The following PRR16 variants were observed in gnomAD, a reference collection of about 807,000 sequenced individuals.
PRR16 encodes proline rich 16, also known as protein Largen.
Under a neutral mutation model 18.2 loss-of-function variants are expected in PRR16, and 6 were observed. That is an observed-to-expected ratio of 0.33 (90% confidence interval 0.18 to 0.65). The LOEUF (loss-of-function observed/expected upper bound fraction) is 0.65, where lower values mean the gene tolerates loss of function less well. Among genes scored for constraint, PRR16 ranks in the 30% least tolerant of loss-of-function variants. The pLI is 0.74. For missense variants in PRR16, 412 were observed against 376.6 expected (o/e 1.09, Z -0.78); for synonymous variants, 151 against 147.8 (o/e 1.02, Z -0.16).
chr5:120,671,179 A>G (rs12654817), intron 1 of PRR16, among the ~76,000 whole-genome samples: 148,984 of 152,286 alleles, frequency 0.98, 72,934 homozygotes, highest in East Asian at 1. Flanking sequence ...TAGAACTCTC[A>G]TTTAATTTTT....
the PRR16 span, among the ~76,000 whole-genome samples, chr5:120,718,112 TATC>T: frequency 4.6e-5 from 7 of 152,156 alleles, no homozygotes; most frequent in Non-Finnish European, 4.4e-5. Flanking sequence ...GTTTCAAAAA[TATC>T]ATAATGTGCC....
chr5:120,530,200 A>G (rs1376434972), intron 1 of PRR16, among the ~76,000 whole-genome samples: 1 of 145,478 alleles, frequency 6.9e-6, no homozygotes, highest in African/African-American at 2.5e-5. Context: ...TAGAATATAT[A>G]TATAATATTA....
chr5:120,608,998 T>G (rs1580782830), intron 1 of PRR16, among the ~76,000 whole-genome samples: 2 of 152,290 alleles, frequency 1.3e-5, no homozygotes. Context: ...CTTGAAACTC[T>G]TCGTATTCAA....
the PRR16 span, among the ~76,000 whole-genome samples, chr5:120,754,456 T>TATATATATA: frequency 3.5e-5 from 1 of 28,354 alleles, no homozygotes; most frequent in Non-Finnish European, 6.2e-5. Context: ...TATTATATAA[T>TATATATATA]ATATAGTATA....
the PRR16 span, among the ~76,000 whole-genome samples, chr5:120,788,699 A>T: frequency 1.3e-5 from 2 of 152,128 alleles, no homozygotes; most frequent in Non-Finnish European, 2.9e-5. Context: ...CTTCTTAAGC[A>T]ACTCCATGAT....
At chr5:120,583,072 TG>T (rs746708710) in intron 1 of PRR16, among the ~76,000 whole-genome samples, 15 of 152,238 alleles carry the variant, frequency 9.9e-5, no homozygotes, top group Non-Finnish European at 2.1e-4. Context: ...TCATATTGCC[TG>T]GGCTACCTTA....
downstream of PRR16, among the ~76,000 whole-genome samples, chr5:120,689,161 A>C (rs1051774381): frequency 2.0e-5 from 3 of 152,162 alleles, no homozygotes; most frequent in Admixed American, 2.0e-4. Flanking sequence ...CAGCACTCTT[A>C]GGACTTATTT....
chr5:120,565,206 G>T (rs920993563), intron 1 of PRR16, among the ~76,000 whole-genome samples: 1 of 152,070 alleles, frequency 6.6e-6, no homozygotes, highest in Non-Finnish European at 1.5e-5. Flanking sequence ...TTTTGGGGAG[G>T]AGTAGTCTGA....
chr5:120,519,856 A>G (rs1251066378), intron 1 of PRR16, among the ~76,000 whole-genome samples: 3 of 152,088 alleles, frequency 2.0e-5, no homozygotes, highest in African/African-American at 7.2e-5. Context: ...GAAAAAGAAT[A>G]ATTTTTATGG....
intron 1 of PRR16, among the ~76,000 whole-genome samples, chr5:120,637,152 C>T (rs73256084): frequency 1.5e-3 from 221 of 151,612 alleles, no homozygotes; most frequent in African/African-American, 5.0e-3. Context: ...GGCATGGATG[C>T]GATGAAAAGG....
chr5:120,764,707 G>A, the PRR16 span, among the ~76,000 whole-genome samples: 1 of 152,018 alleles, frequency 6.6e-6, no homozygotes, highest in Admixed American at 6.6e-5. Context: ...TGTATATAAT[G>A]CATTTAGAAG....
At chr5:120,551,622 A>G (rs1019439585) in intron 1 of PRR16, among the ~76,000 whole-genome samples, 10 of 152,156 alleles carry the variant, frequency 6.6e-5, no homozygotes, top group Non-Finnish European at 1.2e-4. Flanking sequence ...GTTAAATGCA[A>G]TGTTTTCTAC....
intron 1 of PRR16, among the ~76,000 whole-genome samples, chr5:120,581,719 T>C (rs113071854): frequency 1.2e-3 from 179 of 152,288 alleles, no homozygotes; most frequent in African/African-American, 3.9e-3. Flanking sequence ...GTATGTTGTC[T>C]CTTTGTTCTC....
intron 1 of PRR16, among the ~76,000 whole-genome samples, chr5:120,512,305 C>T (rs1221157038): frequency 6.6e-6 from 1 of 152,080 alleles, no homozygotes; most frequent in Admixed American, 6.5e-5. Context: ...TGTGAGGGCT[C>T]CAGGCGACCA....
At chr5:120,767,802 T>TCTCACTATATCTCATC in the PRR16 span, among the ~76,000 whole-genome samples, 2 of 151,752 alleles carry the variant, frequency 1.3e-5, no homozygotes, top group Non-Finnish European at 3.0e-5. Context: ...GAAACAAGGT[T>TCTCACTATATCTCATC]CTCACTATAT....
intron 1 of PRR16, among the ~76,000 whole-genome samples, chr5:120,547,559 ATT>A (rs569445284): frequency 1.4e-5 from 2 of 145,408 alleles, no homozygotes; most frequent in Non-Finnish European, 1.5e-5. Flanking sequence ...ATGCATTTTC[ATT>A]TTTTTTTTTT....
intron 1 of PRR16, among the ~76,000 whole-genome samples, chr5:120,653,192 A>C (rs1755850010): frequency 6.6e-6 from 1 of 152,000 alleles, no homozygotes; most frequent in Non-Finnish European, 1.5e-5. Flanking sequence ...TGTGGTATTC[A>C]GATTCTTGGT....
At chr5:120,669,618 C>A (rs1419597579) in intron 1 of PRR16, among the ~76,000 whole-genome samples, 1 of 151,986 alleles carries the variant, frequency 6.6e-6, no homozygotes, top group Non-Finnish European at 1.5e-5. Flanking sequence ...AATTTCAAAA[C>A]ATTTTATTCA....
intron 1 of PRR16, among the ~76,000 whole-genome samples, chr5:120,490,296 A>G (rs185812187): frequency 1.9e-4 from 29 of 152,208 alleles, no homozygotes; most frequent in African/African-American, 7.0e-4. Context: ...CCGCAATCGG[A>G]TGTAGATTTG....
Sources: gnomAD v4.1 joint callset for allele counts (sites outside exome capture counted in the v4.1 genomes callset) on GRCh38, gnomAD v4.1.1 for gene constraint, MANE v1.5 for transcripts, NCBI Gene and HGNC (gene_info 2026-07-23, HGNC 2026-07-21) for gene names.